The following MACROD2 variants were observed in gnomAD, a reference collection of about 807,000 sequenced individuals.
The protein encoded by MACROD2 is mono-ADP ribosylhydrolase 2, also known as ADP-ribose glycohydrolase MACROD2.
A neutral mutation model predicts 70.4 loss-of-function variants in MACROD2; 36 were observed. That is an observed-to-expected ratio of 0.51 (90% confidence interval 0.39 to 0.68). The LOEUF is 0.68. Ranked by LOEUF, MACROD2 falls within the 30% of genes least tolerant of loss-of-function variation. MACROD2 has a pLI of 0.00. For missense variants in MACROD2, 496 were observed against 538.4 expected, an observed-to-expected ratio of 0.92 and a Z score of 0.78; for synonymous variants, 172 against 178.8, an observed-to-expected ratio of 0.96 and a Z score of 0.30.
At chr20:14,206,324 A>G (rs1350772605) in intron 3 of MACROD2, among the ~76,000 whole-genome samples, 2 of 152,224 alleles carry the variant, frequency 1.3e-5, no homozygotes, top group Non-Finnish European at 2.9e-5. Flanking sequence ...GATGGGGCAG[A>G]AACTCTAGAG....
chr20:14,091,776 C>T (rs1480664033), intron 3 of MACROD2, among the ~76,000 whole-genome samples: 1 of 151,834 alleles, frequency 6.6e-6, no homozygotes, highest in African/African-American at 2.4e-5. Context: ...TTGTTCATTC[C>T]TTTTTATTGT....
At chr20:15,154,490 G>A (rs141111002) in intron 5 of MACROD2, among the ~76,000 whole-genome samples, 17 of 152,260 alleles carry the variant, frequency 1.1e-4, no homozygotes, top group South Asian at 1.0e-3. Flanking sequence ...TGGTTAGCTC[G>A]GGCTACTATA....
chr20:15,719,448 T>C (rs1017737598), intron 8 of MACROD2, among the ~76,000 whole-genome samples: 1 of 152,240 alleles, frequency 6.6e-6, no homozygotes, highest in African/African-American at 2.4e-5. Flanking sequence ...AGCTGTGATA[T>C]GCCTTCCTAA....
intron 5 of MACROD2, among the ~76,000 whole-genome samples, chr20:14,809,692 C>T (rs542471307): frequency 1.3e-5 from 2 of 151,566 alleles, no homozygotes; most frequent in African/African-American, 4.8e-5. Context: ...GCTAGCCAGA[C>T]TAAAAAAGAA....
intron 10 of MACROD2, among the ~76,000 whole-genome samples, chr20:15,910,101 C>T (rs965516726): frequency 3.9e-5 from 6 of 152,168 alleles, no homozygotes; most frequent in African/African-American, 1.2e-4. Context: ...GATGTTCTTT[C>T]TCAAAACCCC....
chr20:14,784,392 T>C (rs114119187), intron 5 of MACROD2, among the ~76,000 whole-genome samples: 1,976 of 152,210 alleles, frequency 0.013, 49 homozygotes, highest in African/African-American at 0.045. Context: ...AAGCTCACTT[T>C]CTCTAAGATA....
intron 7 of MACROD2, among the ~76,000 whole-genome samples, chr20:15,484,021 C>A (rs2047132402): frequency 6.8e-6 from 1 of 146,286 alleles, no homozygotes; most frequent in Non-Finnish European, 1.5e-5. Flanking sequence ...AATTTTACTT[C>A]TTTCTTTCCC....
At position 15,221,306 on chromosome 20, in the gene MACROD2, T is replaced by C. The variant is rs59790469; in HGVS notation, c.419-8634T>C. Reference sequence around the variant, plus strand: ...CCTTCACCTCCTCTCACCCCTGCTATTGAAGCACTAGAAATGCCATGCATT... The same window carrying C: ...CCTTCACCTCCTCTCACCCCTGCTACTGAAGCACTAGAAATGCCATGCATT... On this transcript the variant is annotated intron_variant, in intron 5 of 17. Coordinates refer to ENST00000684519, the MANE Select transcript of MACROD2 (RefSeq NM_001351661.2). Among the ~76,000 whole-genome samples the C allele has an allele frequency of 2.9e-3, 439 of 152,322 alleles. 1 individual carries two copies. Among genetic ancestry groups the C allele is most frequent in the African/African-American group, 9.6e-3 (400 of 41,576 alleles).
At chr20:14,170,678 C>T (rs2081212519) in intron 3 of MACROD2, among the ~76,000 whole-genome samples, 1 of 152,188 alleles carries the variant, frequency 6.6e-6, no homozygotes, top group South Asian at 2.1e-4. Flanking sequence ...ACCATCCCTG[C>T]ATCCCTGGTA....
chr20:14,421,864 G>A (rs1485597812), intron 3 of MACROD2, among the ~76,000 whole-genome samples: 2 of 152,070 alleles, frequency 1.3e-5, no homozygotes, highest in Non-Finnish European at 2.9e-5. Flanking sequence ...TGAAAAATGA[G>A]TAATTTATTG....
At chr20:14,245,727 C>G (rs2081963740) in intron 3 of MACROD2, among the ~76,000 whole-genome samples, 1 of 152,292 alleles carries the variant, frequency 6.6e-6, no homozygotes, top group Admixed American at 6.5e-5. Flanking sequence ...TAACTCCTAC[C>G]AACACTAAAG....
intron 8 of MACROD2, among the ~76,000 whole-genome samples, chr20:15,841,099 A>G (rs1166179109): frequency 6.6e-6 from 1 of 152,130 alleles, no homozygotes; most frequent in Non-Finnish European, 1.5e-5. Flanking sequence ...TCCTGGTGAG[A>G]TGGAATGTCT....
In MACROD2 at chr20:16,052,583, A is replaced by G. The variant is rs2067472496; in HGVS notation, c.*2707A>G. The G allele has an allele frequency of 6.6e-6, 1 of 152,644 alleles. No homozygotes were observed. The highest frequency in any genetic ancestry group is 1.9e-4 in the East Asian group (1 of 5,204). The allele number at this position is 152,644 out of a possible 1,614,324, so 9.5% of individuals were successfully genotyped here. A position where few individuals can be genotyped will look rare whatever the true frequency, so the allele number is the denominator to read the frequency against. On this transcript the variant is annotated 3_prime_UTR_variant, in exon 18 of 18. Transcript: ENST00000684519. ...GGGGCTTTTCCTCTAGCTGGTAACT[A>G]TTCAGATGATGGACAAGTCTTCTTT... is the stretch of plus-strand genomic sequence containing the variant.
intron 6 of MACROD2, among the ~76,000 whole-genome samples, chr20:15,298,080 G>A (rs2077607905): frequency 6.6e-6 from 1 of 152,156 alleles, no homozygotes; most frequent in Non-Finnish European, 1.5e-5. Flanking sequence ...GGTTACCTGA[G>A]AACACAGATT....
intron 5 of MACROD2, among the ~76,000 whole-genome samples, chr20:14,974,572 G>T (rs1015719678): frequency 2.0e-5 from 3 of 152,084 alleles, no homozygotes; most frequent in African/African-American, 7.2e-5. Flanking sequence ...TACGTGAATT[G>T]ACAAGGGAAA....
At position 15,130,307 on chromosome 20, in the gene MACROD2, C is replaced by A. The variant is rs1480463856; in HGVS notation, c.419-99633C>A. Among the ~76,000 whole-genome samples the A allele has an allele frequency of 2.6e-5, 4 of 151,884 alleles. No individual in the cohort carries two copies. The East Asian group carries it at 7.7e-4, about 29-fold the overall frequency. ...CAAGGAGGAAAAAACTCCCGATCGT[C>A]AATGAGAAGAAAATACTACTATCTA... is the stretch of plus-strand genomic sequence containing the variant. On this transcript the variant is annotated intron_variant, in intron 5 of 17. Transcript: ENST00000684519.
intron 5 of MACROD2, among the ~76,000 whole-genome samples, chr20:15,067,381 A>C (rs747819715): frequency 2.8e-4 from 43 of 152,106 alleles, no homozygotes; most frequent in Non-Finnish European, 3.1e-4. Context: ...ATGGAGTCTC[A>C]CTCTGTTGCT....
intron 6 of MACROD2, among the ~76,000 whole-genome samples, chr20:15,379,745 T>A (rs969838711): frequency 3.9e-5 from 6 of 152,192 alleles, no homozygotes; most frequent in African/African-American, 1.4e-4. Flanking sequence ...TCCTAGCTAG[T>A]CACTTAGCTT....
chr20:15,003,794 G>A (rs1373952496), intron 5 of MACROD2, among the ~76,000 whole-genome samples: 1 of 152,186 alleles, frequency 6.6e-6, no homozygotes. Flanking sequence ...ATAAATGATT[G>A]TCAGCCACTA....
Sources: gnomAD v4.1 joint callset for allele counts (sites outside exome capture counted in the v4.1 genomes callset) on GRCh38, gnomAD v4.1.1 for gene constraint, MANE v1.5 for transcripts, NCBI Gene and HGNC (gene_info 2026-07-23, HGNC 2026-07-21) for gene names.